Variants in GALNS observed in about 807,000 individuals in gnomAD.
The protein encoded by GALNS is galactosamine (N-acetyl)-6-sulfatase.
A neutral mutation model predicts 65.9 loss-of-function variants in GALNS; 65 were observed. That is an observed-to-expected ratio of 0.99 (90% CI 0.81 to 1.21). The LOEUF is 1.21. Ranked by LOEUF, GALNS falls within the 50% of genes most tolerant of loss-of-function variation. The probability of loss-of-function intolerance (pLI) is 0.00; values close to 1 mark genes in which losing one functional copy is unlikely to be tolerated. For synonymous variants in GALNS, 346 were observed against 288.9 expected (o/e 1.20, Z -2.00); for missense variants, 776 against 700.7 (o/e 1.11, Z -1.21).
intron 1 of GALNS, 140 bp from the exon 2 acceptor site, chr16:88,842,969 G>T: frequency 1.3e-6 from 2 of 1,528,362 alleles, no homozygotes; most frequent in East Asian, 4.9e-5. Flanking sequence ...GGCAGAGCTC[G>T]GCCAAACCCC....
intron 5 of GALNS, 55 bp downstream of exon 5, chr16:88,837,567 C>T (rs1385885141): frequency 1.6e-5 from 25 of 1,584,864 alleles, no homozygotes; most frequent in Non-Finnish European, 2.0e-5. Context: ...GGGGGGCAGG[C>T]ACGCCGGGCA....
chr16:88,835,144 C>G (rs1911977751), intron 8 of GALNS, 69 bp downstream of exon 8: 1 of 1,545,214 alleles, frequency 6.5e-7, no homozygotes, highest in East Asian at 2.4e-5. Context: ...GTGGGCACAG[C>G]CGGTCCAGGC....
rs754641065 is a variant in GALNS at position 88,856,863 on chromosome 16, G to C, written c.15C>G (p.Val5=). The change falls in exon 1 of 14, where the codon GTC becomes GTG. Residue 5 remains valine (V), a synonymous_variant. Transcript: ENST00000268695. MAAV[V]AATRWWQLLL... The stretch of plus-strand genomic sequence containing the variant: ...ACAGCTGCCACCACCTCGTCGCCGC[G>C]ACAACCGCCGCCATGGCAACCACGG... 5.3e-6 allele frequency: 8 copies of C among 1,510,380 alleles called. No homozygotes were observed. In the African/African-American group the frequency reaches 8.7e-5, roughly 16 times the overall value. The allele number at this position is 1,510,380 out of a possible 1,614,324, so 93.6% of individuals were successfully genotyped here.
chr16:88,833,671 C>T (rs1030980410), intron 8 of GALNS, among the ~76,000 whole-genome samples: 1 of 151,992 alleles, frequency 6.6e-6, no homozygotes, highest in Admixed American at 6.6e-5. Flanking sequence ...AGGATGGTCT[C>T]GACCTCCTGA....
At chr16:88,834,022 C>A (rs1016090984) in intron 8 of GALNS, among the ~76,000 whole-genome samples, 2 of 152,068 alleles carry the variant, frequency 1.3e-5, no homozygotes, top group African/African-American at 2.4e-5. Context: ...ACCCTCCCCC[C>A]ACCCAGCACC....
rs200374326 is a variant in GALNS, at chr16:88,841,083, G to A, written c.331C>T (p.Gln111Ter). 63 of 1,612,914 alleles carry A rather than the reference G, an allele frequency of 3.9e-5. No individual in the cohort carries two copies. Among genetic ancestry groups the A allele is most frequent in the Non-Finnish European group, 5.1e-5 (60 of 1,179,882 alleles). ...TCTGGGATGCCGCCCACAATCTCCT[G>A]CGGTGTGTAGGCTGGAAGAGCAGCG... ...NAHARNAYTPQEIVGGIPDSE... is the reference protein window; with the variant it reads ...NAHARNAYTP The change falls in exon 4 of 14, where the codon CAG becomes TAG. Residue 111 changes from glutamine to a stop codon, truncating the protein, a stop_gained. Coordinates refer to ENST00000268695, the MANE Select transcript of GALNS (RefSeq NM_000512.5). LOFTEE classifies it high-confidence loss of function.
At position 88,836,188 on chromosome 16, in the gene GALNS, C is replaced by T. The variant is rs200292757; in HGVS notation, c.633+13G>A. The T allele has an allele frequency of 8.3e-5, 133 of 1,610,676 alleles. 1 individual carries two copies. The highest frequency in any genetic ancestry group is 1.6e-4 in the East Asian group (7 of 44,888). The stretch of plus-strand genomic sequence containing the variant: ...TGCGTCCCACAGGGCGAGGATGGTG[C>T]GGTCCCCATCACCTGCAGGTAGATC... On this transcript the variant is annotated intron_variant, in intron 6 of 13. Coordinates refer to ENST00000268695, the MANE Select transcript of GALNS (RefSeq NM_000512.5).
At position 88,817,159 on chromosome 16, in the gene GALNS, T is replaced by C. The variant is rs548953866; in HGVS notation, c.1482+848A>G. On this transcript the variant is annotated intron_variant, in intron 13 of 13. Coordinates refer to ENST00000268695, the MANE Select transcript of GALNS (RefSeq NM_000512.5). ...CTGCACACGCGGGATGGCTGGGCCG[T>C]CCACATGCCACCCTATGGGACCCCC... 156 of 985,408 alleles carry C rather than the reference T, an allele frequency of 1.6e-4. No homozygotes were observed. In the African/African-American group the frequency reaches 2.6e-3, roughly 16 times the overall value. The allele number at this position is 985,408 out of a possible 1,614,324, so 61.0% of individuals were successfully genotyped here.
chr16:88,856,079 G>C (rs1489391834), intron 1 of GALNS: 1 of 672,784 alleles, frequency 1.5e-6, no homozygotes, highest in Admixed American at 2.1e-5. Flanking sequence ...TCATTCCTGA[G>C]TCTCCAGGTG....
intron 9 of GALNS, among the ~76,000 whole-genome samples, chr16:88,830,251 AAAAAAC>A (rs1911357896): frequency 2.0e-5 from 3 of 150,802 alleles, no homozygotes; most frequent in Non-Finnish European, 4.4e-5. Flanking sequence ...AAAAAAAAAA[AAAAAAC>A]GTGGAACAGG....
intron 12 of GALNS, among the ~76,000 whole-genome samples, chr16:88,820,803 C>T (rs1050334528): frequency 6.6e-6 from 1 of 152,246 alleles, no homozygotes; most frequent in Non-Finnish European, 1.5e-5. Context: ...CACCGCCATC[C>T]AGGCTTTAAC....
rs376268211 is a variant in GALNS, at chr16:88,841,050, G to T, written c.364C>A (p.Gln122Lys). 1 of 1,613,274 alleles carries T rather than the reference G, an allele frequency of 6.2e-7. No homozygotes were observed. The highest frequency in any genetic ancestry group is 8.5e-7 in the Non-Finnish European group (1 of 1,179,988). ...TTCTTCAGAAGCTCCGGCAGGAGCTGCTCCGAGTCTGGGATGCCGCCCACA... is the reference window on the plus strand; with the variant it reads ...TTCTTCAGAAGCTCCGGCAGGAGCTTCTCCGAGTCTGGGATGCCGCCCACA... Reference protein sequence around the residue: ...EIVGGIPDSEQLLPELLKKAG... With the variant: ...EIVGGIPDSEKLLPELLKKAG... Residue 122 changes from glutamine to lysine, a missense_variant, in exon 4 of 14, where the codon CAG becomes AAG. Coordinates refer to ENST00000268695, the MANE Select transcript of GALNS (RefSeq NM_000512.5).
At chr16:88,816,770 G>C (rs1909671955) in intron 13 of GALNS, 3 of 985,322 alleles carry the variant, frequency 3.0e-6, no homozygotes, top group African/African-American at 1.7e-5. Flanking sequence ...CTGCAGCCGG[G>C]TCTGGCCCTG....
In GALNS at chr16:88,814,102, G is replaced by T. The variant is rs986166567; in HGVS notation, c.*337C>A. Reference sequence around the variant, plus strand: ...CCTGTTGTCAGGACCTCCTGAGGCTGTCACAGGTGCATCCTTAACCTTGGC... The same window carrying T: ...CCTGTTGTCAGGACCTCCTGAGGCTTTCACAGGTGCATCCTTAACCTTGGC... On this transcript the variant is annotated 3_prime_UTR_variant, in exon 14 of 14. Transcript: ENST00000268695. 1 of 421,886 alleles carries T rather than the reference G, an allele frequency of 2.4e-6. No individual in the cohort carries two copies. The highest frequency in any genetic ancestry group is 4.5e-6 in the Non-Finnish European group (1 of 223,880). 26.1% of individuals were successfully genotyped at this position (421,886 alleles called of 1,614,324 possible).
Position 88,835,778 on chromosome 16 carries a change from C to CGT in GALNS, c.703_704dup (p.His236ArgfsTer84). On this transcript the variant is annotated frameshift_variant, in exon 7 of 14. Transcript: ENST00000268695. LOFTEE classifies it high-confidence loss of function. ...GTTTGGAGGCATAGACGGGTGCGTGCGTGGCGTCGACAGCCCAGTAGAGGA... is the reference window on the plus strand; with the variant it reads ...GTTTGGAGGCATAGACGGGTGCGTGCGTGTGGCGTCGACAGCCCAGTAGAGGA... 6.2e-7 allele frequency: 1 copy of CGT among 1,614,136 alleles called. No individual in the cohort carries two copies. Among genetic ancestry groups the CGT allele is most frequent in the Non-Finnish European group, 8.5e-7 (1 of 1,180,026 alleles).
chr16:88,822,425 A>G (rs1046962821), intron 12 of GALNS, among the ~76,000 whole-genome samples, 164 bp downstream of exon 12: 1 of 152,136 alleles, frequency 6.6e-6, no homozygotes, highest in African/African-American at 2.4e-5. Flanking sequence ...GCACCCTGGG[A>G]GGAGGGCAGG....
At chr16:88,824,442 G>C (rs1161767067) in intron 11 of GALNS, among the ~76,000 whole-genome samples, 1 of 152,188 alleles carries the variant, frequency 6.6e-6, no homozygotes, top group East Asian at 1.9e-4. Flanking sequence ...CTCCAGCCTG[G>C]GGTGTGGGGG....
chr16:88,856,892 C>A lies in GALNS; in HGVS notation c.-15G>T, dbSNP rs746326034. On this transcript the variant is annotated 5_prime_UTR_variant, in exon 1 of 14. Coordinates refer to ENST00000268695, the MANE Select transcript of GALNS (RefSeq NM_000512.5). ...ACCGCCGCCATGGCAACCACGGGAGCCGCGGAGCCCCGGCCAGCGAGCCGA... is the reference window on the plus strand; with the variant it reads ...ACCGCCGCCATGGCAACCACGGGAGACGCGGAGCCCCGGCCAGCGAGCCGA... 1.3e-6 allele frequency: 2 copies of A among 1,502,412 alleles called. No homozygotes were observed. The highest frequency in any genetic ancestry group is 4.2e-5 in the Admixed American group (2 of 47,502). 93.1% of individuals were successfully genotyped at this position (1,502,412 alleles called of 1,614,324 possible). A position where few individuals can be genotyped will look rare whatever the true frequency, so the allele number is the denominator to read the frequency against.
Position 88,832,031 on chromosome 16 carries a change from G to A in GALNS, c.969C>T (p.Leu323=), listed in dbSNP as rs373218044. The A allele has an allele frequency of 5.4e-5, 87 of 1,613,672 alleles. No individual in the cohort carries two copies. The highest frequency in any genetic ancestry group is 2.3e-4 in the South Asian group (21 of 91,080). The part of the protein sequence containing the change: ...TFEGGMREPA[L]AWWPGHVTAG... ...CAGTGACGTGCCCTGGCCACCATGC[G>A]AGGGCAGGCTCCCTCATCCCTCCTT... is the stretch of plus-strand genomic sequence containing the variant. Residue 323 remains leucine, a synonymous_variant, in exon 9 of 14, where the codon CTC becomes CTT. Coordinates refer to ENST00000268695, the MANE Select transcript of GALNS (RefSeq NM_000512.5).
Sources: gnomAD v4.1 joint callset for allele counts (sites outside exome capture counted in the v4.1 genomes callset) on GRCh38, gnomAD v4.1.1 for gene constraint, MANE v1.5 for transcripts, NCBI Gene and HGNC (gene_info 2026-07-23, HGNC 2026-07-21) for gene names.